The following SSH1 variants were observed in gnomAD, a reference collection of about 807,000 sequenced individuals.
The protein encoded by SSH1 is protein phosphatase Slingshot homolog 1.
Under a neutral mutation model 79.7 loss-of-function variants are expected in SSH1, and 43 were observed. That is an observed-to-expected ratio of 0.54 (90% CI 0.42 to 0.70). SSH1 has a LOEUF of 0.70. Among genes scored for constraint, SSH1 ranks in the 30% least tolerant of loss-of-function variants. The pLI, the probability that SSH1 is intolerant of heterozygous loss-of-function variation, is 0.00. For synonymous variants in SSH1, 599 were observed against 538.3 expected, an observed-to-expected ratio of 1.11 and a Z score of -1.56; for missense variants, 1,206 against 1,358.8, an observed-to-expected ratio of 0.89 and a Z score of 1.77.
chr12:108,819,359 C>T (rs560748816), intron 3 of SSH1, among the ~76,000 whole-genome samples: 16 of 152,162 alleles, frequency 1.1e-4, no homozygotes, highest in Non-Finnish European at 2.1e-4. Context: ...ATGAGTCTCG[C>T]GCGAAGCAGA....
rs927664656 is a variant in SSH1 at position 108,780,722 on chromosome 12, A to G, written c.*7266T>C. ...TAAAACATTTTACAGAGAGGGCTGC[A>G]TTATAGCTTGATAACACTATTAGAA... On this transcript the variant is annotated 3_prime_UTR_variant, in exon 15 of 15. Coordinates refer to ENST00000326495, the MANE Select transcript of SSH1 (RefSeq NM_018984.4). The G allele has an allele frequency of 1.3e-5, 2 of 152,210 alleles. No individual in the cohort carries two copies. The highest frequency in any genetic ancestry group is 4.8e-5 in the African/African-American group (2 of 41,458). The allele number at this position is 152,210 out of a possible 1,614,324, so 9.4% of individuals were successfully genotyped here.
Position 108,807,729 on chromosome 12 carries a change from C to T in SSH1, c.635G>A (p.Ser212Asn), listed in dbSNP as rs1565986530. The change falls in exon 8 of 15, where the codon AGC (serine) becomes AAC (asparagine). Residue 212 changes from serine to asparagine, a missense_variant. This residue lies in a region of SSH1 where 116 missense variants were observed against 109.0 expected (regional missense o/e 1.06). Transcript: ENST00000326495. The surrounding 1 kb of genome is among the most constrained non-coding windows in gnomAD (Gnocchi z 5.2). ...GCAGCTCTGCTCGGAGCTGATGCAG[C>T]TCTCATAGTAGGTAGCCCAGATGAG... ...VALIWATYYESCISSEQSCIN... is the reference protein window; with the variant it reads ...VALIWATYYENCISSEQSCIN... 1 of 1,613,248 alleles carries T rather than the reference C, an allele frequency of 6.2e-7. No homozygotes were observed.
At position 108,835,911 on chromosome 12, in the gene SSH1, TTATAAC is replaced by T. The variant is rs1227130723; in HGVS notation, c.111-12556_111-12551del. 3.8e-4 allele frequency among the ~76,000 whole-genome samples: 33 copies of T among 86,036 alleles called. 3 individuals carry two copies. Among genetic ancestry groups the T allele is most frequent in the African/African-American group, 1.4e-3 (32 of 22,804 alleles). 56.4% of individuals were successfully genotyped at this position (86,036 alleles called of 152,430 possible). A position where few individuals can be genotyped will look rare whatever the true frequency, so the allele number is the denominator to read the frequency against. On this transcript the variant is annotated intron_variant, in intron 2 of 14. Transcript: ENST00000326495. ...ATTATAACTATATTAATATAATTAA[TTATAAC>T]TATATTAATATAATCAATTATAACT...
chr12:108,855,966 G>A lies in SSH1; in HGVS notation c.69+1462C>T, dbSNP rs576485007. On this transcript the variant is annotated intron_variant, in intron 1 of 14. Transcript: ENST00000326495. Reference sequence around the variant, plus strand: ...AAGAACTACCCTACCAGGAGACAGGGCTGTCAAGCCAAATGCAAACATTAT... The same window carrying A: ...AAGAACTACCCTACCAGGAGACAGGACTGTCAAGCCAAATGCAAACATTAT... Among the ~76,000 whole-genome samples the A allele has an allele frequency of 5.9e-5, 9 of 152,300 alleles. No homozygotes were observed. The South Asian group carries it at 1.9e-3, about 32-fold the overall frequency.
intron 14 of SSH1, among the ~76,000 whole-genome samples, chr12:108,789,885 G>A (rs1304248185): frequency 1.3e-5 from 2 of 152,142 alleles, no homozygotes; most frequent in Non-Finnish European, 1.5e-5. Flanking sequence ...TAAGAGACAA[G>A]GTCCTACTAT....
At chr12:108,836,013 C>A (rs148967362) in intron 2 of SSH1, among the ~76,000 whole-genome samples, 252 of 13,276 alleles carry the variant, frequency 0.019, 1 homozygote, top group Middle Eastern at 0.036. Flanking sequence ...TCGATTATAA[C>A]TATATTAATA....
At chr12:108,833,562 T>TCTCAGGCACCACCCAGTTCTGGCCCTC (rs2038525491) in intron 2 of SSH1, among the ~76,000 whole-genome samples, 1 of 152,106 alleles carries the variant, frequency 6.6e-6, no homozygotes, top group Non-Finnish European at 1.5e-5. Flanking sequence ...CTTTCAGGTC[T>TCTCAGGCACCACCCAGTTCTGGCCCTC]CTCAGGCACC....
In SSH1 at chr12:108,799,114, A is replaced by T; in HGVS notation, c.1235T>A (p.Phe412Tyr). Reference protein sequence around the residue: ...STVIAYAMKEFGWPLEKAYNY... With the variant: ...STVIAYAMKEYGWPLEKAYNY... ...ATATGCTTTTTCCAGAGGCCAGCCG[A>T]ATTCCTTCATTGCATAGGCTATGAC... Residue 412 changes from phenylalanine to tyrosine, a missense_variant, in exon 13 of 15, where the codon TTC becomes TAC. Transcript: ENST00000326495. 1 of 1,614,236 alleles carries T rather than the reference A, an allele frequency of 6.2e-7. No homozygotes were observed. The highest frequency in any genetic ancestry group is 8.5e-7 in the Non-Finnish European group (1 of 1,180,042).
rs368489739 is a variant in SSH1, at chr12:108,788,807, C to T, written c.2331G>A (p.Ser777=). The T allele has an allele frequency of 3.4e-5, 55 of 1,614,200 alleles. No individual in the cohort carries two copies. The highest frequency in any genetic ancestry group is 3.3e-5 in the Non-Finnish European group (39 of 1,180,044). ...PSTEVVIKEE[S]SPKKDMKPAK... ...CTGGCTTCATATCTTTCTTGGGTGA[C>T]GATTCTTCCTTTATTACCACTTCTG... The change falls in exon 15 of 15, where the codon TCG becomes TCA. Residue 777 remains serine, a synonymous_variant. Coordinates refer to ENST00000326495, the MANE Select transcript of SSH1 (RefSeq NM_018984.4).
intron 2 of SSH1, chr12:108,827,406 C>T: frequency 6.8e-7 from 1 of 1,478,480 alleles, no homozygotes; most frequent in Non-Finnish European, 9.0e-7. Context: ...CTCTGGCCAT[C>T]TGCTCCCTAT....
intron 2 of SSH1, among the ~76,000 whole-genome samples, chr12:108,851,891 T>C (rs2039046978): frequency 6.6e-6 from 1 of 151,756 alleles, no homozygotes; most frequent in African/African-American, 2.4e-5. Flanking sequence ...AGCAGAAGAA[T>C]AGTCTGCAAG....
chr12:108,817,407 C>T, intron 4 of SSH1: 1 of 439,770 alleles, frequency 2.3e-6, no homozygotes, highest in Non-Finnish European at 4.3e-6. Flanking sequence ...AACCCCATCT[C>T]TTACTAAAAA....
chr12:108,820,435 C>T (rs550391456), intron 3 of SSH1, among the ~76,000 whole-genome samples: 2 of 152,308 alleles, frequency 1.3e-5, no homozygotes, highest in East Asian at 3.9e-4. Flanking sequence ...TGCCTGGGCC[C>T]TCCCACCATC....
chr12:108,789,392 C>A (rs2036408486), intron 14 of SSH1, 148 bp from the exon 15 acceptor site: 5 of 836,460 alleles, frequency 6.0e-6, no homozygotes, highest in Non-Finnish European at 9.8e-6. Context: ...TACTGACAGA[C>A]AGACCTCCTG....
At chr12:108,798,038 C>G (rs952414192) in intron 13 of SSH1, among the ~76,000 whole-genome samples, 1 of 152,228 alleles carries the variant, frequency 6.6e-6, no homozygotes, top group African/African-American at 2.4e-5. Context: ...GCACCCACAC[C>G]TGGATGCTGC....
chr12:108,799,769 G>A (rs1018002725), intron 12 of SSH1, among the ~76,000 whole-genome samples: 2 of 152,228 alleles, frequency 1.3e-5, no homozygotes, highest in Non-Finnish European at 2.9e-5. Flanking sequence ...AGTGGAAGAT[G>A]GGGCTGGCCG....
chr12:108,854,551 G>A (rs566232910), intron 1 of SSH1, among the ~76,000 whole-genome samples: 5 of 152,260 alleles, frequency 3.3e-5, no homozygotes, highest in East Asian at 3.9e-4. Flanking sequence ...GTGATCCCCC[G>A]TTTCCCACGC....
Position 108,799,322 on chromosome 12 carries a change from A to AT in SSH1, c.1149-123dup, listed in dbSNP as rs910883212. 6.2e-6 allele frequency: 5 copies of AT among 808,008 alleles called. No individual in the cohort carries two copies. The African/African-American group carries it at 6.9e-5, about 11-fold the overall frequency. The allele number at this position is 808,008 out of a possible 1,614,324, so 50.1% of individuals were successfully genotyped here. A position where few individuals can be genotyped will look rare whatever the true frequency, so the allele number is the denominator to read the frequency against. On this transcript the variant is annotated intron_variant, in intron 12 of 14. Transcript: ENST00000326495. ...CGAATCATTTTTTTAAACCCTGTAG[A>AT]TATCTTACTGCCGAAATCCTCCTAC...
At chr12:108,852,719 T>C (rs751653472) in intron 1 of SSH1, 41 bp from the exon 2 acceptor site, 1 of 1,613,724 alleles carries the variant, frequency 6.2e-7, no homozygotes, top group Non-Finnish European at 8.5e-7. Context: ...CAGGCACCAC[T>C]GTCAACACGC....
Sources: gnomAD v4.1 joint callset for allele counts (sites outside exome capture counted in the v4.1 genomes callset) on GRCh38, gnomAD v4.1.1 for gene constraint, gnomAD v4.1.1 regional missense constraint, Gnocchi (gnomAD v3.1) non-coding constraint, MANE v1.5 for transcripts, NCBI Gene and HGNC (gene_info 2026-07-23, HGNC 2026-07-21) for gene names.